The following ZNF777 variants were observed in gnomAD, a reference collection of about 807,000 sequenced individuals.
ZNF777 encodes the protein zinc finger protein 777.
Under a neutral mutation model 72.1 loss-of-function variants are expected in ZNF777, and 7 were observed. That is an observed-to-expected ratio of 0.10 (90% CI 0.06 to 0.18). The LOEUF is 0.18. Ranked by LOEUF, ZNF777 falls within the 10% of genes least tolerant of loss-of-function variation. ZNF777 has a pLI of 1.00. For missense variants in ZNF777, 828 were observed against 1,128.6 expected (o/e 0.73, Z 3.82); for synonymous variants, 545 against 483.5 (o/e 1.13, Z -1.67).
chr7:149,449,185 G>A (rs1010614910), intron 4 of ZNF777, among the ~76,000 whole-genome samples: 5 of 152,190 alleles, frequency 3.3e-5, no homozygotes, highest in East Asian at 1.9e-4. Flanking sequence ...CGAGTGTGCG[G>A]CCCACTCTGA....
At chr7:149,441,598 A>G (rs1799516265) in intron 4 of ZNF777, among the ~76,000 whole-genome samples, 1 of 141,410 alleles carries the variant, frequency 7.1e-6, no homozygotes, top group Non-Finnish European at 1.5e-5. Flanking sequence ...GCTATAAGAA[A>G]CTTATTTAAT....
At position 149,455,399 on chromosome 7, in the gene ZNF777, G is replaced by A. The variant is rs1443755523; in HGVS notation, c.624C>T (p.Thr208=). 6.2e-7 allele frequency: 1 copy of A among 1,614,198 alleles called. No homozygotes were observed. The highest frequency in any genetic ancestry group is 8.5e-7 in the Non-Finnish European group (1 of 1,180,046). Residue 208 remains threonine (T), a synonymous_variant, in exon 2 of 6, where the codon ACC becomes ACT. Transcript: ENST00000247930. This position sits in a 1 kb window ranked among gnomAD's most constrained non-coding sequence, Gnocchi z 4.2. ...KLEAQAMRLL[T]LEGRTGTNEK... ...CATTTGTCCCCGTCCTGCCTTCCAGGGTCAGTAGCCTCATGGCCTGGGCCT... is the reference window on the plus strand; with the variant it reads ...CATTTGTCCCCGTCCTGCCTTCCAGAGTCAGTAGCCTCATGGCCTGGGCCT...
chr7:149,448,510 T>TATAA (rs1351675498), intron 4 of ZNF777, among the ~76,000 whole-genome samples: 3,531 of 122,282 alleles, frequency 0.029, 104 homozygotes, highest in Non-Finnish European at 0.042. Flanking sequence ...TATATATATA[T>TATAA]AACTATATAT....
intron 3 of ZNF777, among the ~76,000 whole-genome samples, chr7:149,453,440 G>T (rs1799762669): frequency 6.6e-6 from 1 of 152,078 alleles, no homozygotes; most frequent in Non-Finnish European, 1.5e-5. Flanking sequence ...CTCCATATCA[G>T]AGAAACAGAT....
intron 4 of ZNF777, among the ~76,000 whole-genome samples, chr7:149,446,152 C>T (rs1029929989): frequency 3.6e-4 from 55 of 152,202 alleles, no homozygotes; most frequent in African/African-American, 1.2e-3. Context: ...CCGAGGCGGG[C>T]AGATTACCTG....
Position 149,431,707 on chromosome 7 carries a change from G to A in ZNF777, c.*69C>T, listed in dbSNP as rs759480046. ...CGCCCCGCCCCCGCCCGCTGGGCTC[G>A]GGCCTGGCGGTGTCCGAGGGGGGGC... On this transcript the variant is annotated 3_prime_UTR_variant, in exon 6 of 6. Transcript: ENST00000247930. The A allele has an allele frequency of 4.3e-6, 5 of 1,169,636 alleles. No individual in the cohort carries two copies. The South Asian group carries it at 7.5e-5, about 18-fold the overall frequency. 72.5% of individuals were successfully genotyped at this position (1,169,636 alleles called of 1,614,324 possible).
At chr7:149,452,061 C>T (rs894131732) in intron 3 of ZNF777, among the ~76,000 whole-genome samples, 7 of 151,410 alleles carry the variant, frequency 4.6e-5, no homozygotes, top group Non-Finnish European at 1.0e-4. Context: ...GTCAGGAGAT[C>T]GAGACCATCC....
At chr7:149,437,805 C>T (rs4015857) in intron 4 of ZNF777, among the ~76,000 whole-genome samples, 42,983 of 106,688 alleles carry the variant, frequency 0.4, 7,422 homozygotes, top group South Asian at 0.44. Context: ...GTTTCTTTTT[C>T]TTTTTTTTTT....
chr7:149,452,260 G>A (rs550062527), intron 3 of ZNF777, among the ~76,000 whole-genome samples: 31 of 136,382 alleles, frequency 2.3e-4, no homozygotes, highest in East Asian at 9.2e-4. Context: ...GCGAGACTCC[G>A]TCTCAAAAAC....
chr7:149,442,044 C>T (rs544127532), intron 4 of ZNF777, among the ~76,000 whole-genome samples: 1 of 150,906 alleles, frequency 6.6e-6, no homozygotes, highest in African/African-American at 2.4e-5. Flanking sequence ...GGTGAAACTT[C>T]GTCTCTACTA....
chr7:149,437,865 T>C (rs1440242247), intron 4 of ZNF777, among the ~76,000 whole-genome samples: 3 of 150,036 alleles, frequency 2.0e-5, no homozygotes, highest in Non-Finnish European at 4.4e-5. Context: ...AAATATCTTG[T>C]AGAAATCCCT....
rs1187525380 is a variant in ZNF777, at chr7:149,431,872, G to A, written c.2400C>T (p.His800=). The A allele has an allele frequency of 6.2e-6, 10 of 1,606,288 alleles. No individual in the cohort carries two copies. In the African/African-American group the frequency reaches 1.3e-4, roughly 21 times the overall value. ...KHHLLEHQRA[H]TGERPYPCTH... is the part of the protein sequence containing the mutation. Reference sequence around the variant, plus strand: ...TGCAGGGGTAGGGCCGCTCGCCCGTGTGCGCGCGCTGGTGCTCCAGCAGGT... The same window carrying A: ...TGCAGGGGTAGGGCCGCTCGCCCGTATGCGCGCGCTGGTGCTCCAGCAGGT... The change falls in exon 6 of 6, where the codon CAC becomes CAT. Residue 800 remains histidine (H), a synonymous_variant. Coordinates refer to ENST00000247930, the MANE Select transcript of ZNF777 (RefSeq NM_015694.3).
chr7:149,456,933 G>A (rs557433128), intron 1 of ZNF777, among the ~76,000 whole-genome samples: 77 of 152,318 alleles, frequency 5.1e-4, no homozygotes, highest in Admixed American at 9.8e-4. Flanking sequence ...GTGAAGGCAG[G>A]CAATTCAACC....
rs551989809 is a variant in ZNF777 at position 149,436,237 on chromosome 7, C to T, written c.1339+338G>A. On this transcript the variant is annotated intron_variant, in intron 5 of 5. Transcript: ENST00000247930. The surrounding 1 kb of genome is among the most constrained non-coding windows in gnomAD (Gnocchi z 5.0). Reference sequence around the variant, plus strand: ...GGGTGATATGAGATGATCAAGGACACGTTGGGAGAGTTCTAGCTTTGCCAC... The same window carrying T: ...GGGTGATATGAGATGATCAAGGACATGTTGGGAGAGTTCTAGCTTTGCCAC... 8.1e-4 allele frequency among the ~76,000 whole-genome samples: 124 copies of T among 152,248 alleles called. No individual in the cohort carries two copies. The highest frequency in any genetic ancestry group is 1.1e-3 in the Non-Finnish European group (77 of 68,026).
chr7:149,437,701 C>T (rs1017351304), intron 4 of ZNF777, among the ~76,000 whole-genome samples: 1 of 152,000 alleles, frequency 6.6e-6, no homozygotes, highest in South Asian at 2.1e-4. Context: ...CCCATTTCAC[C>T]GCTATGACTT....
intron 2 of ZNF777, among the ~76,000 whole-genome samples, chr7:149,454,439 C>T (rs1203732071): frequency 6.6e-6 from 1 of 152,214 alleles, no homozygotes; most frequent in Non-Finnish European, 1.5e-5. Flanking sequence ...ATTCTTGCAG[C>T]TCTAAAGCAT....
intron 3 of ZNF777, among the ~76,000 whole-genome samples, chr7:149,452,632 CAAAA>C (rs869183800): frequency 2.7e-5 from 2 of 72,978 alleles, no homozygotes. Flanking sequence ...GACTCTGTCT[CAAAA>C]AAAAAAAAAA....
chr7:149,451,216 T>C, intron 3 of ZNF777, 104 bp from the exon 4 acceptor site: 1 of 1,014,864 alleles, frequency 9.9e-7, no homozygotes, highest in East Asian at 2.5e-5. Context: ...GCTCCTCGAC[T>C]GGAGACCACA....
chr7:149,454,863 A>G (rs1181149117), intron 2 of ZNF777, among the ~76,000 whole-genome samples: 1 of 152,144 alleles, frequency 6.6e-6, no homozygotes, highest in Non-Finnish European at 1.5e-5. Flanking sequence ...AAGCTAATGC[A>G]CCCTCAGTGA....
Sources: gnomAD v4.1 joint callset for allele counts (sites outside exome capture counted in the v4.1 genomes callset) on GRCh38, gnomAD v4.1.1 for gene constraint, Gnocchi (gnomAD v3.1) non-coding constraint, MANE v1.5 for transcripts, NCBI Gene and HGNC (gene_info 2026-07-23, HGNC 2026-07-21) for gene names.